The following TANGO2 variants were observed in gnomAD, a reference collection of about 807,000 sequenced individuals.
The protein encoded by TANGO2 is transport and golgi organization 2 homolog.
Under a neutral mutation model 39.1 loss-of-function variants are expected in TANGO2, and 26 were observed. That is an observed-to-expected ratio of 0.67 (90% CI 0.49 to 0.92). The LOEUF is 0.92. Among genes scored for constraint, TANGO2 ranks in the 40% least tolerant of loss-of-function variants. TANGO2 has a pLI of 0.00. For synonymous variants in TANGO2, 131 were observed against 144.5 expected (o/e 0.91, Z 0.67); for missense variants, 326 against 360.1 (o/e 0.91, Z 0.77).
chr22:20,026,469 G>T (rs757495305), intron 1 of TANGO2, among the ~76,000 whole-genome samples: 9 of 152,200 alleles, frequency 5.9e-5, no homozygotes, highest in Admixed American at 3.9e-4. Context: ...TTCTCATTTT[G>T]GGACAGGGAG....
At position 20,043,427 on chromosome 22, in the gene TANGO2, C is replaced by T. The variant is rs762340098; in HGVS notation, c.129C>T (p.Asn43=). 4 of 1,612,816 alleles carry T rather than the reference C, an allele frequency of 2.5e-6. No homozygotes were observed. The highest frequency in any genetic ancestry group is 2.5e-6 in the Non-Finnish European group (3 of 1,179,058). ...PSKLADFWGN[N]NEILSGLDME... is the part of the protein sequence containing the mutation. ...AGTTAGCTGACTTCTGGGGGAACAA[C>T]AACGAGATCCTCAGTGGTGAGTCTT... is the stretch of plus-strand genomic sequence containing the variant. The change falls in exon 3 of 9, where the codon AAC becomes AAT. Residue 43 remains asparagine (N), a synonymous_variant. Transcript: ENST00000327374.
At chr22:20,019,178 T>G (rs749139592), upstream of TANGO2, 3 of 152,230 alleles carry the variant, frequency 2.0e-5, no homozygotes, top group Non-Finnish European at 4.4e-5. Context: ...TCCTCTCACC[T>G]AGCTCCATGC....
chr22:20,037,193 G>C (rs1038192632), intron 2 of TANGO2: 1 of 1,367,120 alleles, frequency 7.3e-7, no homozygotes, highest in Non-Finnish European at 9.8e-7. Context: ...CAGTGAGTGA[G>C]AGCCAGCTTG....
chr22:20,056,291 C>G, intron 6 of TANGO2: 1 of 644,670 alleles, frequency 1.6e-6, no homozygotes, highest in South Asian at 1.5e-5. Flanking sequence ...GCCGGCCACC[C>G]CCAGCCTCAC....
chr22:20,036,889 A>G (rs2042947580), intron 2 of TANGO2, 35 bp downstream of exon 2: 2 of 1,614,212 alleles, frequency 1.2e-6, no homozygotes, highest in Non-Finnish European at 1.7e-6. Context: ...TGCGCCCTGC[A>G]GGGTCCTGGG....
chr22:20,051,005 G>A (rs1006556397), intron 3 of TANGO2, among the ~76,000 whole-genome samples: 3 of 150,940 alleles, frequency 2.0e-5, no homozygotes, highest in African/African-American at 4.9e-5. Flanking sequence ...GGGATTACAG[G>A]CATGCACCAC....
intron 1 of TANGO2, among the ~76,000 whole-genome samples, chr22:20,028,098 C>T (rs1290470946): frequency 1.3e-5 from 2 of 152,100 alleles, no homozygotes; most frequent in Admixed American, 1.3e-4. Flanking sequence ...TGCACCCTAC[C>T]TTATTTTATT....
At position 20,023,583 on chromosome 22, in the gene TANGO2, G is replaced by A. The variant is rs113022925; in HGVS notation, c.-40+2337G>A. The stretch of plus-strand genomic sequence containing the variant: ...AAATGTGTCATGATAGGCCAAGCAC[G>A]GTGGCTCACGCCTGTAATCCCAGCA... On this transcript the variant is annotated intron_variant, in intron 1 of 8. Transcript: ENST00000327374. Among the ~76,000 whole-genome samples, 548 of 152,324 alleles carry A rather than the reference G, an allele frequency of 3.6e-3. 4 individuals carry two copies. The highest frequency in any genetic ancestry group is 0.013 in the African/African-American group (525 of 41,574).
intron 1 of TANGO2, among the ~76,000 whole-genome samples, chr22:20,032,035 C>T (rs1454901522): frequency 6.6e-6 from 1 of 152,230 alleles, no homozygotes; most frequent in Non-Finnish European, 1.5e-5. Context: ...TGCCATGTGA[C>T]CTGGGACTCT....
Position 20,052,552 on chromosome 22 carries a change from A to G in TANGO2, c.233A>G (p.Gln78Arg), listed in dbSNP as rs1265162624. 1 of 1,595,080 alleles carries G rather than the reference A, an allele frequency of 6.3e-7. No individual in the cohort carries two copies. The highest frequency in any genetic ancestry group is 2.3e-5 in the East Asian group (1 of 44,074). ...GKLAALTNYLQPQLDWQARGR... is the reference protein window; with the variant it reads ...GKLAALTNYLRPQLDWQARGR... Reference sequence around the variant, plus strand: ...CTGGCAGCACTCACCAACTACCTGCAGCCGCAGCTGGACTGGCAGGCCCGA... The same window carrying G: ...CTGGCAGCACTCACCAACTACCTGCGGCCGCAGCTGGACTGGCAGGCCCGA... Residue 78 changes from glutamine (Q) to arginine (R), a missense_variant, in exon 4 of 9, where the codon CAG (glutamine) becomes CGG (arginine). Transcript: ENST00000327374.
intron 5 of TANGO2, chr22:20,054,234 C>G (rs2046942107): frequency 5.6e-6 from 1 of 178,200 alleles, no homozygotes; most frequent in Admixed American, 5.5e-5. Context: ...GGTCTGCACA[C>G]TTGCTATGGA....
intron 1 of TANGO2, among the ~76,000 whole-genome samples, chr22:20,033,496 C>T (rs1208773041): frequency 1.3e-5 from 2 of 152,232 alleles, no homozygotes; most frequent in East Asian, 3.9e-4. Flanking sequence ...GGGCGTGCAG[C>T]CCAGGGAGGG....
intron 3 of TANGO2, among the ~76,000 whole-genome samples, chr22:20,046,727 C>T (rs1479984634): frequency 1.3e-5 from 2 of 152,034 alleles, no homozygotes; most frequent in Admixed American, 6.6e-5. Context: ...CATACATGTG[C>T]CATGTTGGTT....
At chr22:20,055,710 G>T in intron 5 of TANGO2, 5 of 589,110 alleles carry the variant, frequency 8.5e-6, no homozygotes, top group Non-Finnish European at 1.2e-5. Flanking sequence ...TCCTGGGCTG[G>T]TGGGCCCCGA....
In TANGO2 at chr22:20,045,083, A is replaced by G. The variant is rs532463042; in HGVS notation, c.145+1640A>G. ...CGGATTGTATGCAAAAGTTTAGGAC[A>G]GTGGTTCTCCAGGTGTGGTCCTTGG... On this transcript the variant is annotated intron_variant, in intron 3 of 8. Coordinates refer to ENST00000327374, the MANE Select transcript of TANGO2 (RefSeq NM_152906.7). 8.5e-5 allele frequency among the ~76,000 whole-genome samples: 13 copies of G among 152,228 alleles called. No homozygotes were observed. In the East Asian group the frequency reaches 1.7e-3, roughly 20 times the overall value.
chr22:20,064,840 G>T lies in TANGO2; in HGVS notation c.*178G>T. On this transcript the variant is annotated 3_prime_UTR_variant, in exon 9 of 9. Coordinates refer to ENST00000327374, the MANE Select transcript of TANGO2 (RefSeq NM_152906.7). ...TCTGTGTCCCCATGCCCAGTTCAGG[G>T]TCTGCCTTTATGCCAGTGAGGAGCA... 1.3e-6 allele frequency: 1 copy of T among 789,400 alleles called. No individual in the cohort carries two copies. Among genetic ancestry groups the T allele is most frequent in the Non-Finnish European group, 1.9e-6 (1 of 512,826 alleles). 48.9% of individuals were successfully genotyped at this position (789,400 alleles called of 1,614,324 possible). A position where few individuals can be genotyped will look rare whatever the true frequency, so the allele number is the denominator to read the frequency against.
intron 2 of TANGO2, among the ~76,000 whole-genome samples, chr22:20,042,858 AC>A (rs1239871731): frequency 6.6e-6 from 1 of 152,120 alleles, no homozygotes; most frequent in African/African-American, 2.4e-5. Flanking sequence ...CTCCCAACCA[AC>A]CCGAGAAATT....
intron 1 of TANGO2, chr22:20,033,093 G>T: frequency 2.2e-6 from 1 of 450,484 alleles, no homozygotes; most frequent in South Asian, 1.7e-5. Context: ...AGACCTGCTG[G>T]CTAGAGCTGG....
At chr22:20,023,947 C>G (rs568294708) in intron 1 of TANGO2, among the ~76,000 whole-genome samples, 1 of 151,986 alleles carries the variant, frequency 6.6e-6, no homozygotes, top group African/African-American at 2.4e-5. Context: ...TTTGGGAGGC[C>G]GAGACAGGTG....
Sources: gnomAD v4.1 joint callset for allele counts (sites outside exome capture counted in the v4.1 genomes callset) on GRCh38, gnomAD v4.1.1 for gene constraint, MANE v1.5 for transcripts, NCBI Gene and HGNC (gene_info 2026-07-23, HGNC 2026-07-21) for gene names.